The following GCG variants were observed in gnomAD, a reference collection of about 807,000 sequenced individuals.
GCG encodes pro-glucagon.
Under a neutral mutation model 22.8 loss-of-function variants are expected in GCG, and 11 were observed. The observed-to-expected ratio is 0.48, with a 90% CI of 0.30 to 0.80. The LOEUF (loss-of-function observed/expected upper bound fraction) is 0.80. GCG is among the 30% of genes least tolerant of loss of function. The probability of loss-of-function intolerance (pLI) is 0.06; values close to 1 mark genes in which losing one functional copy is unlikely to be tolerated. For missense variants in GCG, 222 were observed against 222.0 expected, an observed-to-expected ratio of 1.00 and a Z score of 0.00; for synonymous variants, 89 against 72.4, an observed-to-expected ratio of 1.23 and a Z score of -1.16.
At position 162,143,084 on chromosome 2, in the gene GCG, C is replaced by T. The variant is rs953723048; in HGVS notation, c.*280G>A. The T allele has an allele frequency of 3.4e-5, 10 of 295,760 alleles. 1 individual carries two copies. The highest frequency in any genetic ancestry group is 1.3e-4 in the African/African-American group (6 of 45,962). 18.3% of individuals were successfully genotyped at this position (295,760 alleles called of 1,614,324 possible). On this transcript the variant is annotated 3_prime_UTR_variant, in exon 6 of 6. Coordinates refer to ENST00000418842, the MANE Select transcript of GCG (RefSeq NM_002054.5). ...TTATATCATAGAAAAATAATTTTATCGCTAAATGTAAACAGGTTGGGGTAC... is the reference window on the plus strand; with the variant it reads ...TTATATCATAGAAAAATAATTTTATTGCTAAATGTAAACAGGTTGGGGTAC...
intron 1 of GCG, among the ~76,000 whole-genome samples, chr2:162,150,274 G>A (rs755132148): frequency 5.3e-5 from 8 of 152,096 alleles, no homozygotes; most frequent in Admixed American, 6.6e-5. Flanking sequence ...GTTTGACTAT[G>A]CTTATCCACA....
At chr2:162,151,560 ACC>A (rs1313706198) in intron 1 of GCG, among the ~76,000 whole-genome samples, 1 of 151,996 alleles carries the variant, frequency 6.6e-6, no homozygotes, top group South Asian at 2.1e-4. Flanking sequence ...TCCAAAGAAA[ACC>A]CCCCAAATAG....
chr2:162,148,092 T>G (rs528271835), intron 2 of GCG, among the ~76,000 whole-genome samples: 1 of 152,096 alleles, frequency 6.6e-6, no homozygotes, highest in Admixed American at 6.6e-5. Flanking sequence ...CATGGGAAAA[T>G]AGTCAATGTA....
At position 162,145,627 on chromosome 2, in the gene GCG, G is replaced by T; in HGVS notation, c.305C>A (p.Thr102Asn). The T allele has an allele frequency of 6.2e-7, 1 of 1,610,348 alleles. No individual in the cohort carries two copies. Among genetic ancestry groups the T allele is most frequent in the Non-Finnish European group, 8.5e-7 (1 of 1,177,646 alleles). The change falls in exon 4 of 6, where the codon ACC (threonine) becomes AAC (asparagine). Residue 102 changes from threonine to asparagine, a missense_variant. Physicochemically the swap from Thr to Asn is moderately conservative, Grantham distance 65. Transcript: ENST00000418842. ...ATAAGAACTTACATCACTGGTAAAG[G>T]TCCCTTCAGCATGTCTCTCAAATTC... The part of the protein sequence containing the change: ...HDEFERHAEG[T>N]FTSDVSSYLE...
intron 3 of GCG, among the ~76,000 whole-genome samples, chr2:162,146,573 T>C (rs6727317): frequency 5.3e-5 from 7 of 132,520 alleles, no homozygotes; most frequent in African/African-American, 1.9e-4. Context: ...TCTCTCTCTC[T>C]CCTTTCTTAC....
chr2:162,143,948 G>A (rs1686617345), intron 5 of GCG, 79 bp downstream of exon 5: 1 of 1,226,456 alleles, frequency 8.2e-7, no homozygotes, highest in African/African-American at 1.5e-5. Context: ...CCCCCTACAT[G>A]GGGAACAGCT....
chr2:162,147,544 A>T (rs1426858516), intron 2 of GCG, 30 bp from the exon 3 acceptor site: 1 of 1,606,582 alleles, frequency 6.2e-7, no homozygotes, highest in African/African-American at 1.3e-5. Context: ...GTACAACATA[A>T]ATCTCTCCTC....
chr2:162,146,388 T>G (rs1485385937), intron 3 of GCG, among the ~76,000 whole-genome samples: 1 of 152,134 alleles, frequency 6.6e-6, no homozygotes, highest in African/African-American at 2.4e-5. Context: ...TTTTATAAAT[T>G]TGTGATTTCT....
intron 2 of GCG, 59 bp from the exon 3 acceptor site, chr2:162,147,573 G>A (rs1416632299): frequency 2.1e-6 from 3 of 1,456,572 alleles, no homozygotes; most frequent in African/African-American, 1.4e-5. Context: ...ACTCACTTGA[G>A]AAGCATCTTC....
At chr2:162,150,268 G>T (rs143177732) in intron 1 of GCG, among the ~76,000 whole-genome samples, 4 of 152,198 alleles carry the variant, frequency 2.6e-5, no homozygotes, top group African/African-American at 9.6e-5. Flanking sequence ...ATCCAAGTTT[G>T]ACTATGCTTA....
In GCG at chr2:162,145,770, A is replaced by G. The variant is rs576358116; in HGVS notation, c.255-93T>C. 4.6e-5 allele frequency: 46 copies of G among 1,007,430 alleles called. No individual in the cohort carries two copies. In the African/African-American group the frequency reaches 6.6e-4, roughly 14 times the overall value. The allele number at this position is 1,007,430 out of a possible 1,614,324, so 62.4% of individuals were successfully genotyped here. ...GTGGCAACTTTGGGTTCAGGATTCT[A>G]TGTAGAAGGGGCTTAGGGAGTTTAG... On this transcript the variant is annotated intron_variant, in intron 3 of 5. Transcript: ENST00000418842.
intron 3 of GCG, 57 bp downstream of exon 3, chr2:162,147,296 T>C: frequency 2.3e-6 from 3 of 1,283,732 alleles, no homozygotes; most frequent in Non-Finnish European, 3.3e-6. Flanking sequence ...TCAAGAGAAA[T>C]TTTAGACCTA....
At chr2:162,147,552 C>G in intron 2 of GCG, 38 bp from the exon 3 acceptor site, 1 of 1,593,616 alleles carries the variant, frequency 6.3e-7, no homozygotes, top group Non-Finnish European at 8.6e-7. Flanking sequence ...TAAATCTCTC[C>G]TCAAGAGTAG....
chr2:162,145,922 A>G (rs1240149397), intron 3 of GCG, among the ~76,000 whole-genome samples: 1 of 152,144 alleles, frequency 6.6e-6, no homozygotes, highest in African/African-American at 2.4e-5. Flanking sequence ...ACCCATCTGC[A>G]ATCCCCTGCT....
Position 162,147,533 on chromosome 2 carries a change from G to A in GCG, c.93-19C>T. The A allele has an allele frequency of 6.2e-7, 1 of 1,610,222 alleles. No individual in the cohort carries two copies. Among genetic ancestry groups the A allele is most frequent in the South Asian group, 1.1e-5 (1 of 90,980 alleles). On this transcript the variant is annotated intron_variant, in intron 2 of 5. Transcript: ENST00000418842. Reference sequence around the variant, plus strand: ...GAATGATCTGTGAAGAACAGTGATTGGTACAACATAAATCTCTCCTCAAGA... The same window carrying A: ...GAATGATCTGTGAAGAACAGTGATTAGTACAACATAAATCTCTCCTCAAGA...
chr2:162,149,355 G>T (rs532797793), intron 1 of GCG, among the ~76,000 whole-genome samples, 168 bp from the exon 2 acceptor site: 1 of 152,034 alleles, frequency 6.6e-6, no homozygotes, highest in Non-Finnish European at 1.5e-5. Context: ...TAAATAGTGG[G>T]TTATATTATT....
intron 1 of GCG, 81 bp from the exon 2 acceptor site, chr2:162,149,268 G>A (rs1686774624): frequency 2.7e-6 from 2 of 750,272 alleles, no homozygotes; most frequent in Admixed American, 2.2e-5. Context: ...AATTAGATTT[G>A]ACTAGATAAA....
intron 1 of GCG, among the ~76,000 whole-genome samples, chr2:162,150,545 C>T (rs1686808618): frequency 6.6e-6 from 1 of 152,010 alleles, no homozygotes; most frequent in Non-Finnish European, 1.5e-5. Flanking sequence ...TCATCAACAT[C>T]AAATTACCAA....
chr2:162,144,321 A>T (rs954583748), intron 4 of GCG, 151 bp from the exon 5 acceptor site: 1 of 622,962 alleles, frequency 1.6e-6, no homozygotes, highest in Non-Finnish European at 2.8e-6. Flanking sequence ...CCTGATAAAA[A>T]CCCATGTGGA....
Sources: allele counts gnomAD v4.1 joint callset (sites outside exome capture counted in the v4.1 genomes callset), GRCh38; gene constraint gnomAD v4.1.1; transcripts MANE v1.5; gene names NCBI Gene and HGNC (gene_info 2026-07-23, HGNC 2026-07-21).